Variants in SHH observed in about 807,000 individuals in gnomAD.
SHH encodes the protein sonic hedgehog protein.
SHH carries 3 observed loss-of-function variants against 16.6 expected under a neutral mutation model. That is an observed-to-expected ratio of 0.18 (90% CI 0.08 to 0.47). The LOEUF (loss-of-function observed/expected upper bound fraction) is 0.47. SHH is among the 20% of genes least tolerant of loss of function. SHH has a pLI of 0.98. For synonymous variants in SHH, 351 were observed against 316.2 expected (o/e 1.11, Z -1.17); for missense variants, 499 against 665.0 (o/e 0.75, Z 2.75).
chr7:155,809,216 G>A lies in SHH; in HGVS notation c.300+2607C>T, dbSNP rs1803447808. 1 of 152,284 alleles carries A rather than the reference G, an allele frequency of 6.6e-6. No individual in the cohort carries two copies. Among genetic ancestry groups the A allele is most frequent in the African/African-American group, 2.4e-5 (1 of 41,430 alleles). The allele number at this position is 152,284 out of a possible 1,614,324, so 9.4% of individuals were successfully genotyped here. ...ATTAACCGGCAGCTCCTGCGTTCCG[G>A]AACTGCTCCGAAAGTTCCACTGGGG... On this transcript the variant is annotated intron_variant, in intron 1 of 2. Coordinates refer to ENST00000297261, the MANE Select transcript of SHH (RefSeq NM_000193.4). This position sits in a 1 kb window ranked among gnomAD's most constrained non-coding sequence, Gnocchi z 6.1.
In SHH at chr7:155,802,920, T is replaced by C; in HGVS notation, c.1369A>G (p.Met457Val). 1 of 1,258,872 alleles carries C rather than the reference T, an allele frequency of 7.9e-7. No homozygotes were observed. The allele number at this position is 1,258,872 out of a possible 1,614,324, so 78.0% of individuals were successfully genotyped here. ...CGGCTTCAGCTGGACTTGACCGCCA[T>C]GCCCAGCGGGTGCAGGGCCTCGCTG... ...LDSEALHPLG[M>V]AVKSS The change falls in exon 3 of 3, where the codon ATG becomes GTG. Residue 457 changes from methionine to valine, a missense_variant. By Grantham distance (21) the Met-to-Val change is conservative. Around this residue, in one of 4 missense-constraint regions of SHH, gnomAD observed 299 missense variants for 301.1 expected, o/e 0.99. Transcript: ENST00000297261.
chr7:155,806,746 G>C, intron 1 of SHH, 189 bp from the exon 2 acceptor site: 1 of 747,578 alleles, frequency 1.3e-6, no homozygotes, highest in Non-Finnish European at 2.4e-6. Context: ...AAGAGGGACA[G>C]CATTTGCGGA....
At chr7:155,806,213 C>G in intron 2 of SHH, 83 bp downstream of exon 2, 2 of 1,564,418 alleles carry the variant, frequency 1.3e-6, no homozygotes, top group Admixed American at 3.3e-5. Flanking sequence ...AGCCTCCCCC[C>G]AGGTTTCTTT....
rs147587714 is a variant in SHH at position 155,806,393 on chromosome 7, G to A, written c.465C>T (p.Arg155=). 1.2e-5 allele frequency: 20 copies of A among 1,613,620 alleles called. No homozygotes were observed. Among genetic ancestry groups the A allele is most frequent in the Middle Eastern group, 3.3e-4 (2 of 6,084 alleles). Residue 155 remains arginine (R), a synonymous_variant, in exon 2 of 3, where the codon CGC becomes CGT. Coordinates refer to ENST00000297261, the MANE Select transcript of SHH (RefSeq NM_000193.4). The part of the protein sequence containing the change: ...AVDITTSDRD[R]SKYGMLARLA... The stretch of plus-strand genomic sequence containing the variant: ...GGCGGGCCAGCATGCCGTACTTGCT[G>A]CGGTCGCGGTCAGACGTGGTGATGT...
chr7:155,802,774 T>C lies in SHH; in HGVS notation c.*126A>G. 1 of 573,246 alleles carries C rather than the reference T, an allele frequency of 1.7e-6. No homozygotes were observed. The highest frequency in any genetic ancestry group is 2.7e-6 in the Non-Finnish European group (1 of 377,056). The allele number at this position is 573,246 out of a possible 1,614,324, so 35.5% of individuals were successfully genotyped here. A position where few individuals can be genotyped will look rare whatever the true frequency, so the allele number is the denominator to read the frequency against. Reference sequence around the variant, plus strand: ...AGAGTCTACTTTGGACTGTCCTACTTTATTATTCTTATTCTTATTATAACT... The same window carrying C: ...AGAGTCTACTTTGGACTGTCCTACTCTATTATTCTTATTCTTATTATAACT... On this transcript the variant is annotated 3_prime_UTR_variant, in exon 3 of 3. Transcript: ENST00000297261.
At chr7:155,804,227 G>GGCCCACCT (rs534398612) in intron 2 of SHH, among the ~76,000 whole-genome samples, 2 of 151,074 alleles carry the variant, frequency 1.3e-5, no homozygotes, top group Non-Finnish European at 3.0e-5. Context: ...GGAAACCCCT[G>GGCCCACCT]GCCCGCCTGC....
Position 155,811,951 on chromosome 7 carries a change from C to A in SHH, c.172G>T (p.Ala58Ser). 6.2e-7 allele frequency: 1 copy of A among 1,614,172 alleles called. No individual in the cohort carries two copies. The highest frequency in any genetic ancestry group is 8.5e-7 in the Non-Finnish European group (1 of 1,180,028). Residue 58 changes from alanine (A) to serine (S), a missense_variant, in exon 1 of 3, where the codon GCC (alanine) becomes TCC (serine). Transcript: ENST00000297261. ...ATCTTCCCTTCATACCTTCCGCTGG[C>A]GCCTAGGGTCTTCTCGGCCACATTG... is the stretch of plus-strand genomic sequence containing the variant. ...IPNVAEKTLG[A>S]SGRYEGKISR...
In SHH at chr7:155,811,843, C is replaced by A. The variant is rs1404934360; in HGVS notation, c.280G>T (p.Ala94Ser). 1 of 1,614,218 alleles carries A rather than the reference C, an allele frequency of 6.2e-7. No individual in the cohort carries two copies. The highest frequency in any genetic ancestry group is 1.1e-5 in the South Asian group (1 of 91,090). ...CCTACCTGAGTCATCAGCCTGTCCG[C>A]TCCGGTGTTTTCTTCATCCTTAAAT... Reference protein sequence around the residue: ...IIFKDEENTGADRLMTQRCKD... With the variant: ...IIFKDEENTGSDRLMTQRCKD... The change falls in exon 1 of 3, where the codon GCG becomes TCG. Residue 94 changes from alanine to serine, a missense_variant. By Grantham distance (99) the Ala-to-Ser change is moderately conservative (BLOSUM62 1). Coordinates refer to ENST00000297261, the MANE Select transcript of SHH (RefSeq NM_000193.4).
intron 1 of SHH, 72 bp from the exon 2 acceptor site, chr7:155,806,629 A>G (rs1803370431): frequency 1.3e-6 from 2 of 1,590,748 alleles, no homozygotes; most frequent in East Asian, 4.5e-5. Context: ...CGGCCCCTCC[A>G]TCAGCCTGCC....
intron 2 of SHH, among the ~76,000 whole-genome samples, chr7:155,805,613 C>G (rs1461363981): frequency 6.6e-6 from 1 of 152,224 alleles, no homozygotes; most frequent in Admixed American, 6.5e-5. Context: ...TGTTCCTCGC[C>G]GGCAACAGCG....
At position 155,803,743 on chromosome 7, in the gene SHH, G is replaced by A. The variant is rs762264968; in HGVS notation, c.563-17C>T. On this transcript the variant is annotated splice_polypyrimidine_tract_variant and intron_variant, in intron 2 of 2. Transcript: ENST00000297261. ...CCGAGTTCTCTGCGGGTGAGGAGAA[G>A]GGAAAGAAGAGAGGACAGGGCATTG... 1.3e-6 allele frequency: 2 copies of A among 1,588,904 alleles called. No individual in the cohort carries two copies. Among genetic ancestry groups the A allele is most frequent in the African/African-American group, 1.3e-5 (1 of 74,844 alleles).
rs1416614868 is a variant in SHH at position 155,800,101 on chromosome 7, A to C, written c.*2799T>G. Reference sequence around the variant, plus strand: ...GCATTTAGTCATGAGGGAGGCTGGCAGCAACCACCATGCATACATTTTGCA... The same window carrying C: ...GCATTTAGTCATGAGGGAGGCTGGCCGCAACCACCATGCATACATTTTGCA... On this transcript the variant is annotated 3_prime_UTR_variant, in exon 3 of 3. Transcript: ENST00000297261. 2.1e-6 allele frequency: 1 copy of C among 471,700 alleles called. No homozygotes were observed. Among genetic ancestry groups the C allele is most frequent in the East Asian group, 6.9e-5 (1 of 14,398 alleles). The allele number at this position is 471,700 out of a possible 1,614,324, so 29.2% of individuals were successfully genotyped here.
chr7:155,811,961 C>A lies in SHH; in HGVS notation c.162G>T (p.Lys54Asn). ...YKQFIPNVAE[K>N]TLGASGRYEG... ...CATACCTTCCGCTGGCGCCTAGGGT[C>A]TTCTCGGCCACATTGGGGATAAACT... The change falls in exon 1 of 3, where the codon AAG (lysine) becomes AAT (asparagine). Residue 54 changes from lysine (K) to asparagine (N), a missense_variant. Physicochemically the swap from Lys to Asn is moderately conservative, Grantham distance 94. Transcript: ENST00000297261. 1 of 1,614,196 alleles carries A rather than the reference C, an allele frequency of 6.2e-7. No individual in the cohort carries two copies. Among genetic ancestry groups the A allele is most frequent in the Non-Finnish European group, 8.5e-7 (1 of 1,180,048 alleles).
In SHH at chr7:155,803,015, C is replaced by A. The variant is rs562587149; in HGVS notation, c.1274G>T (p.Gly425Val). The A allele has an allele frequency of 7.7e-6, 12 of 1,554,928 alleles. No homozygotes were observed. The highest frequency in any genetic ancestry group is 1.0e-5 in the Non-Finnish European group (12 of 1,152,316). ...GTGGATGCCCGCGGTGGCCCCCGCA[C>A]CCGGAGCGTCGGCAGCACCTGGAGC... ...LTAPGAADAPGAGATAGIHWY... is the reference protein window; with the variant it reads ...LTAPGAADAPVAGATAGIHWY... The change falls in exon 3 of 3, where the codon GGT (glycine) becomes GTT (valine). Residue 425 changes from glycine (G) to valine (V), a missense_variant. Around this residue, in one of 4 missense-constraint regions of SHH, gnomAD observed 299 missense variants for 301.1 expected, o/e 0.99. Transcript: ENST00000297261.
chr7:155,812,063 C>T lies in SHH; in HGVS notation c.60G>A (p.Ser20=), dbSNP rs374343495. Residue 20 remains serine (S), a synonymous_variant, in exon 1 of 3, where the codon TCG becomes TCA. Coordinates refer to ENST00000297261, the MANE Select transcript of SHH (RefSeq NM_000193.4). ...LVLVSSLLVC[S]GLACGPGRGF... ...CCCTGCCCGGTCCGCACGCCAGTCC[C>T]GAGCATACCAGCAGCGAGGAGACGA... The T allele has an allele frequency of 9.7e-5, 156 of 1,614,070 alleles. No individual in the cohort carries two copies. The highest frequency in any genetic ancestry group is 1.3e-4 in the Non-Finnish European group (149 of 1,180,022).
intron 2 of SHH, among the ~76,000 whole-genome samples, chr7:155,805,279 G>C (rs531909012): frequency 6.6e-6 from 1 of 151,722 alleles, no homozygotes; most frequent in African/African-American, 2.4e-5. Flanking sequence ...GCCTGCAGCC[G>C]GGAGCTCTCC....
Position 155,803,344 on chromosome 7 carries a change from C to A in SHH, c.945G>T (p.Val315=). The A allele has an allele frequency of 6.8e-7, 1 of 1,472,572 alleles. No individual in the cohort carries two copies. Among genetic ancestry groups the A allele is most frequent in the South Asian group, 1.3e-5 (1 of 76,462 alleles). 91.2% of individuals were successfully genotyped at this position (1,472,572 alleles called of 1,614,324 possible). A position where few individuals can be genotyped will look rare whatever the true frequency, so the allele number is the denominator to read the frequency against. The part of the protein sequence containing the change: ...FASRVRPGQR[V]YVVAERDGDR... The stretch of plus-strand genomic sequence containing the variant: ...CCCCGTCACGCTCGGCCACCACGTA[C>A]ACGCGCTGGCCCGGGCGCACGCGGC... Residue 315 remains valine, a synonymous_variant, in exon 3 of 3, where the codon GTG becomes GTT. Transcript: ENST00000297261.
chr7:155,800,915 C>T lies in SHH; in HGVS notation c.*1985G>A, dbSNP rs890908466. 3.4e-5 allele frequency: 9 copies of T among 267,320 alleles called. No individual in the cohort carries two copies. Among genetic ancestry groups the T allele is most frequent in the Admixed American group, 2.7e-4 (6 of 21,922 alleles). The allele number at this position is 267,320 out of a possible 1,614,324, so 16.6% of individuals were successfully genotyped here. ...GGACCACCTTCTACACAGGCTGCAG[C>T]TGCTGGGAGGCCCCAAGCTCATGCA... On this transcript the variant is annotated 3_prime_UTR_variant, in exon 3 of 3. Coordinates refer to ENST00000297261, the MANE Select transcript of SHH (RefSeq NM_000193.4).
At position 155,802,878 on chromosome 7, in the gene SHH, C is replaced by CCCCAA; in HGVS notation, c.*21_*22insTTGGG. ...CTGCCCCGCCCCGCCCCCTCCCGCG[C>CCCCAA]CCCTCCCCCGGCCCCCCGGCTTCAG... is the stretch of plus-strand genomic sequence containing the variant. On this transcript the variant is annotated 3_prime_UTR_variant, in exon 3 of 3. Coordinates refer to ENST00000297261, the MANE Select transcript of SHH (RefSeq NM_000193.4). 1 of 1,221,556 alleles carries CCCCAA rather than the reference C, an allele frequency of 8.2e-7. No individual in the cohort carries two copies. The allele number at this position is 1,221,556 out of a possible 1,614,324, so 75.7% of individuals were successfully genotyped here.
Sources: gnomAD v4.1 joint callset for allele counts (sites outside exome capture counted in the v4.1 genomes callset) on GRCh38, gnomAD v4.1.1 for gene constraint, gnomAD v4.1.1 regional missense constraint, Gnocchi (gnomAD v3.1) non-coding constraint, MANE v1.5 for transcripts, NCBI Gene and HGNC (gene_info 2026-07-23, HGNC 2026-07-21) for gene names.